COL23A1: variants seen among roughly 807,000 people sequenced by gnomAD.
The protein encoded by COL23A1 is collagen type XXIII alpha 1 chain.
In COL23A1, 97 loss-of-function variants were observed where a neutral mutation model predicts 99.3. That is an observed-to-expected ratio of 0.98 (90% CI 0.83 to 1.16). The LOEUF is 1.16. Ranked by LOEUF, COL23A1 falls within the 50% of genes most tolerant of loss-of-function variation. COL23A1 has a pLI of 0.00. For synonymous variants in COL23A1, 320 were observed against 308.2 expected, an observed-to-expected ratio of 1.04 and a Z score of -0.40; for missense variants, 762 against 757.4, an observed-to-expected ratio of 1.01 and a Z score of -0.07.
intron 2 of COL23A1, among the ~76,000 whole-genome samples, chr5:178,369,652 G>T (rs891017517): frequency 2.6e-5 from 4 of 152,110 alleles, no homozygotes; most frequent in Non-Finnish European, 5.9e-5. Context: ...GTTTTATAAG[G>T]GGAGTTTCCC....
At chr5:178,363,078 GTT>G (rs1254377325) in intron 2 of COL23A1, among the ~76,000 whole-genome samples, 1 of 147,064 alleles carries the variant, frequency 6.8e-6, no homozygotes, top group Non-Finnish European at 1.5e-5. Flanking sequence ...ATTTTGTTTT[GTT>G]TTGTTTTTTG....
chr5:178,549,455 G>T (rs1761889662), intron 2 of COL23A1, among the ~76,000 whole-genome samples: 1 of 152,082 alleles, frequency 6.6e-6, no homozygotes, highest in South Asian at 2.1e-4. Context: ...ACCAACTCAA[G>T]ACATTTGTTG....
chr5:178,257,021 C>T (rs2913848), intron 13 of COL23A1, 93 bp from the exon 14 acceptor site: 488,178 of 1,169,738 alleles, frequency 0.42, 103,365 homozygotes, highest in South Asian at 0.48. Context: ...CCTGAAGCCT[C>T]GCGATTAGGC....
intron 2 of COL23A1, among the ~76,000 whole-genome samples, chr5:178,429,213 G>A (rs775186078): frequency 6.6e-6 from 1 of 152,050 alleles, no homozygotes; most frequent in Non-Finnish European, 1.5e-5. Flanking sequence ...GGAAAGGCCG[G>A]GACTCATCCA....
chr5:178,368,474 G>A lies in COL23A1; in HGVS notation c.362-61555C>T, dbSNP rs929010675. On this transcript the variant is annotated intron_variant, in intron 2 of 28. Transcript: ENST00000390654. The stretch of plus-strand genomic sequence containing the variant: ...CCCACATTCCATAGTGTACGTTAGG[G>A]TTCACTCTTGGTAGCATACATCCTG... 1.3e-5 allele frequency among the ~76,000 whole-genome samples: 2 copies of A among 152,176 alleles called. 1 individual carries two copies. Among genetic ancestry groups the A allele is most frequent in the East Asian group, 3.9e-4 (2 of 5,190 alleles).
intron 2 of COL23A1, among the ~76,000 whole-genome samples, chr5:178,435,820 AC>A (rs1766527617): frequency 6.6e-6 from 1 of 152,160 alleles, no homozygotes; most frequent in Non-Finnish European, 1.5e-5. Flanking sequence ...CGGACCTGTC[AC>A]TGAGGACTGA....
chr5:178,246,076 A>ACC (rs2127530534), intron 24 of COL23A1, 108 bp from the exon 25 acceptor site: 1 of 1,378,394 alleles, frequency 7.3e-7, no homozygotes, highest in Non-Finnish European at 1.0e-6. Context: ...GGGCAAGGAG[A>ACC]CCCACCAACC....
intron 4 of COL23A1, among the ~76,000 whole-genome samples, chr5:178,289,634 C>T (rs991014827): frequency 1.5e-4 from 23 of 152,132 alleles, no homozygotes; most frequent in Non-Finnish European, 4.4e-5. Flanking sequence ...GACAACTGCC[C>T]GACTCTACAG....
At chr5:178,285,897 C>A (rs567585912) in intron 5 of COL23A1, among the ~76,000 whole-genome samples, 3 of 152,356 alleles carry the variant, frequency 2.0e-5, no homozygotes, top group East Asian at 3.9e-4. Context: ...CAGGAGCCTG[C>A]GAAAGGTCCT....
chr5:178,557,027 TACC>T (rs1381252515), intron 2 of COL23A1, among the ~76,000 whole-genome samples: 1 of 152,182 alleles, frequency 6.6e-6, no homozygotes, highest in Non-Finnish European at 1.5e-5. Context: ...GGCAAAAAAT[TACC>T]ACAAGCCCTC....
intron 2 of COL23A1, among the ~76,000 whole-genome samples, chr5:178,425,670 G>A (rs973532552): frequency 6.6e-5 from 10 of 152,128 alleles, no homozygotes; most frequent in Admixed American, 4.6e-4. Flanking sequence ...TGGGTCTGCC[G>A]GCAACTGGAG....
chr5:178,352,969 C>T lies in COL23A1; in HGVS notation c.362-46050G>A, dbSNP rs546732333. ...ATTGAAAGGGGAAAATATATGAGAA[C>T]GTCTTCAGAAGGTAACTGGCAATGT... On this transcript the variant is annotated intron_variant, in intron 2 of 28. Coordinates refer to ENST00000390654, the MANE Select transcript of COL23A1 (RefSeq NM_173465.4). Among the ~76,000 whole-genome samples, 60 of 152,306 alleles carry T rather than the reference C, an allele frequency of 3.9e-4. No individual in the cohort carries two copies. In the South Asian group the frequency reaches 0.011, roughly 28 times the overall value.
At chr5:178,318,420 C>T (rs903228699) in intron 2 of COL23A1, among the ~76,000 whole-genome samples, 8 of 152,204 alleles carry the variant, frequency 5.3e-5, no homozygotes, top group African/African-American at 1.4e-4. Context: ...CCAGACCCTT[C>T]GGCCCAGGCA....
intron 2 of COL23A1, among the ~76,000 whole-genome samples, chr5:178,392,118 ATTTTTT>A (rs57353104): frequency 1.5e-5 from 2 of 137,178 alleles, no homozygotes; most frequent in Non-Finnish European, 3.2e-5. Flanking sequence ...AGTGTCTGCT[ATTTTTT>A]TTTTTTTTTT....
intron 2 of COL23A1, among the ~76,000 whole-genome samples, chr5:178,370,488 G>C (rs1362610940): frequency 1.3e-5 from 2 of 152,134 alleles, no homozygotes; most frequent in African/African-American, 4.8e-5. Flanking sequence ...AAGCAGAGAG[G>C]CTTCAGAAAC....
intron 5 of COL23A1, among the ~76,000 whole-genome samples, chr5:178,275,052 G>C (rs142841056): frequency 0.013 from 1,964 of 152,320 alleles, 32 homozygotes; most frequent in African/African-American, 0.045. Flanking sequence ...GCGGCCACCT[G>C]TCCTGGGACC....
intron 3 of COL23A1, among the ~76,000 whole-genome samples, chr5:178,303,249 C>G (rs1287622835): frequency 6.6e-6 from 1 of 152,206 alleles, no homozygotes; most frequent in East Asian, 1.9e-4. Context: ...ATCTACCTGC[C>G]TCGGCCTCCC....
chr5:178,268,794 A>G, intron 6 of COL23A1, 38 bp from the exon 7 acceptor site: 1 of 1,588,228 alleles, frequency 6.3e-7, no homozygotes, highest in Non-Finnish European at 8.6e-7. Flanking sequence ...GACCTGAGTG[A>G]GGGGCCTAGG....
chr5:178,496,299 C>T (rs184126825), intron 2 of COL23A1, among the ~76,000 whole-genome samples: 56 of 152,282 alleles, frequency 3.7e-4, no homozygotes, highest in African/African-American at 1.3e-3. Flanking sequence ...AAGCCACTCA[C>T]TCTGCCCCTG....
Sources: allele counts gnomAD v4.1 joint callset (sites outside exome capture counted in the v4.1 genomes callset), GRCh38; gene constraint gnomAD v4.1.1; transcripts MANE v1.5; gene names NCBI Gene and HGNC (gene_info 2026-07-23, HGNC 2026-07-21).